Variants in CADM2 observed in about 807,000 individuals in gnomAD.
CADM2 encodes the protein immunoglobulin superfamily member 4D.
Under a neutral mutation model 49.8 loss-of-function variants are expected in CADM2, and 12 were observed. That is an observed-to-expected ratio of 0.24 (90% CI 0.15 to 0.39). The LOEUF (loss-of-function observed/expected upper bound fraction) is 0.39. Ranked by LOEUF, CADM2 falls within the 10% of genes least tolerant of loss-of-function variation. CADM2 has a pLI of 1.00. For synonymous variants in CADM2, 214 were observed against 175.4 expected (o/e 1.22, Z -1.74); for missense variants, 378 against 492.3 (o/e 0.77, Z 2.20).
chr3:85,648,891 T>A (rs2064965424), intron 1 of CADM2, among the ~76,000 whole-genome samples: 1 of 152,068 alleles, frequency 6.6e-6, no homozygotes, highest in Non-Finnish European at 1.5e-5. Context: ...TAAATTCAGA[T>A]TCATCAAAAT....
At chr3:85,569,141 C>T (rs2062403107) in intron 1 of CADM2, among the ~76,000 whole-genome samples, 2 of 152,156 alleles carry the variant, frequency 1.3e-5, no homozygotes, top group Admixed American at 1.3e-4. Context: ...TACCTCCCCT[C>T]CACACCCAAT....
chr3:84,970,001 A>G (rs1250168046), intron 1 of CADM2, among the ~76,000 whole-genome samples: 1 of 150,524 alleles, frequency 6.6e-6, no homozygotes, highest in Non-Finnish European at 1.5e-5. Flanking sequence ...AAGAGGAATT[A>G]CAAGCTGACC....
chr3:85,187,869 G>A (rs934471302), intron 1 of CADM2, among the ~76,000 whole-genome samples: 6 of 151,688 alleles, frequency 4.0e-5, no homozygotes, highest in African/African-American at 1.2e-4. Context: ...CAACATACCT[G>A]AATTTGTGAA....
At chr3:85,634,024 A>C (rs191953250) in intron 1 of CADM2, among the ~76,000 whole-genome samples, 114 of 152,108 alleles carry the variant, frequency 7.5e-4, no homozygotes, top group Non-Finnish European at 6.6e-4. Flanking sequence ...AATATAAAAA[A>C]CTTGTAAAAT....
intron 1 of CADM2, among the ~76,000 whole-genome samples, chr3:85,329,220 C>A (rs1483538770): frequency 6.6e-6 from 1 of 152,104 alleles, no homozygotes; most frequent in Non-Finnish European, 1.5e-5. Flanking sequence ...GTTTGTCCTA[C>A]TTTTTGGAAG....
At chr3:85,940,062 TA>T (rs1721679631) in intron 7 of CADM2, among the ~76,000 whole-genome samples, 1 of 146,212 alleles carries the variant, frequency 6.8e-6, no homozygotes, top group African/African-American at 2.5e-5. Context: ...CTCACACCTG[TA>T]ATCCCAGCAC....
intron 1 of CADM2, among the ~76,000 whole-genome samples, chr3:85,628,947 T>C (rs939968763): frequency 1.3e-5 from 2 of 151,638 alleles, no homozygotes; most frequent in Non-Finnish European, 3.0e-5. Context: ...TGTCTTAATG[T>C]AGCATGACAT....
At chr3:85,937,166 A>C (rs1194889024) in intron 7 of CADM2, among the ~76,000 whole-genome samples, 1 of 151,838 alleles carries the variant, frequency 6.6e-6, no homozygotes, top group Non-Finnish European at 1.5e-5. Context: ...TAAATATTTA[A>C]GTAGTTCATA....
intron 1 of CADM2, among the ~76,000 whole-genome samples, chr3:85,282,084 A>G (rs1049395615): frequency 1.3e-5 from 2 of 152,044 alleles, no homozygotes; most frequent in Non-Finnish European, 2.9e-5. Flanking sequence ...GTGAAATATT[A>G]TACATAAAAC....
intron 1 of CADM2, among the ~76,000 whole-genome samples, chr3:85,214,800 T>G (rs1233452136): frequency 6.6e-6 from 1 of 152,038 alleles, no homozygotes; most frequent in Non-Finnish European, 1.5e-5. Context: ...CCAGGGGCTC[T>G]TCAGTCAGCT....
chr3:86,004,058 A>C (rs777756601), intron 8 of CADM2, among the ~76,000 whole-genome samples: 2 of 152,148 alleles, frequency 1.3e-5, no homozygotes, highest in Non-Finnish European at 2.9e-5. Flanking sequence ...AAAGATAAGG[A>C]GTATTGATAT....
intron 2 of CADM2, among the ~76,000 whole-genome samples, chr3:85,741,668 G>GAC (rs1553677744): frequency 1.3e-5 from 2 of 152,060 alleles, no homozygotes; most frequent in Non-Finnish European, 2.9e-5. Context: ...CTCTGTCTCA[G>GAC]AAAAAATAGT....
chr3:85,202,918 G>A (rs2041544600), intron 1 of CADM2, among the ~76,000 whole-genome samples: 1 of 152,148 alleles, frequency 6.6e-6, no homozygotes, highest in Non-Finnish European at 1.5e-5. Context: ...GCATTTTTAT[G>A]TTTTGGAGAC....
Position 85,647,544 on chromosome 3 carries a change from AT to A in CADM2, c.62-78971del, listed in dbSNP as rs1275201491. On this transcript the variant is annotated intron_variant, in intron 1 of 9. Coordinates refer to ENST00000383699, the MANE Select transcript of CADM2 (RefSeq NM_001167675.2). ...TTAATCTGTTTTAGAGACTTGTGAA[AT>A]TTTTTTGCATAGAGAGTGTTTTTGT... Among the ~76,000 whole-genome samples, 6 of 151,820 alleles carry A rather than the reference AT, an allele frequency of 4.0e-5. No individual in the cohort carries two copies. In the East Asian group the frequency reaches 1.2e-3, roughly 29 times the overall value.
intron 3 of CADM2, among the ~76,000 whole-genome samples, chr3:85,843,224 T>C (rs1383205143): frequency 1.3e-5 from 2 of 152,126 alleles, no homozygotes; most frequent in African/African-American, 4.8e-5. Flanking sequence ...ATTTATGAAA[T>C]TGAAAAATCT....
At chr3:85,048,486 A>C (rs1051520489) in intron 1 of CADM2, among the ~76,000 whole-genome samples, 2 of 152,160 alleles carry the variant, frequency 1.3e-5, no homozygotes, top group African/African-American at 2.4e-5. Context: ...AAGACTGTTG[A>C]GGCAGCAGAG....
At chr3:85,985,441 C>T (rs1390826668) in intron 8 of CADM2, among the ~76,000 whole-genome samples, 1 of 151,892 alleles carries the variant, frequency 6.6e-6, no homozygotes, top group Admixed American at 6.6e-5. Flanking sequence ...CTCAGGAGGA[C>T]ATATGGTCCA....
Position 85,217,421 on chromosome 3 carries a change from G to A in CADM2, c.61+257753G>A, listed in dbSNP as rs186098462. ...GATATGAGCACTTTAGCATTTATAT[G>A]TATTTTAATCCACACACACATTATG... On this transcript the variant is annotated intron_variant, in intron 1 of 9. Coordinates refer to ENST00000383699, the MANE Select transcript of CADM2 (RefSeq NM_001167675.2). Among the ~76,000 whole-genome samples, 96 of 152,030 alleles carry A rather than the reference G, an allele frequency of 6.3e-4. 1 individual carries two copies. Among genetic ancestry groups the A allele is most frequent in the Middle Eastern group, 3.5e-3 (1 of 284 alleles).
At chr3:85,383,008 T>C (rs1401905903) in intron 1 of CADM2, among the ~76,000 whole-genome samples, 1 of 152,052 alleles carries the variant, frequency 6.6e-6, no homozygotes, top group African/African-American at 2.4e-5. Context: ...AAACCTAACT[T>C]AGGAGTACAC....
Sources: allele counts gnomAD v4.1 joint callset (sites outside exome capture counted in the v4.1 genomes callset), GRCh38; gene constraint gnomAD v4.1.1; transcripts MANE v1.5; gene names NCBI Gene and HGNC (gene_info 2026-07-23, HGNC 2026-07-21).